Variants in CAMK2D observed in about 807,000 individuals in gnomAD.
The protein encoded by CAMK2D is calcium/calmodulin-dependent protein kinase type II subunit delta.
Under a neutral mutation model 84.0 loss-of-function variants are expected in CAMK2D, and 37 were observed. That is an observed-to-expected ratio of 0.44 (90% CI 0.34 to 0.58). The LOEUF (loss-of-function observed/expected upper bound fraction) is 0.58. CAMK2D is among the 20% of genes least tolerant of loss of function. CAMK2D has a pLI of 0.02. For missense variants in CAMK2D, 448 were observed against 652.5 expected (o/e 0.69, Z 3.41); for synonymous variants, 202 against 212.5 (o/e 0.95, Z 0.43).
chr4:113,666,719 C>T (rs571339039), intron 2 of CAMK2D, among the ~76,000 whole-genome samples: 26 of 152,266 alleles, frequency 1.7e-4, no homozygotes, highest in Non-Finnish European at 2.9e-4. Flanking sequence ...AAGAGAATCC[C>T]ACTCCCAAAA....
intron 13 of CAMK2D, among the ~76,000 whole-genome samples, chr4:113,508,508 T>C (rs1323172460): frequency 2.0e-5 from 3 of 152,212 alleles, no homozygotes; most frequent in Non-Finnish European, 4.4e-5. Context: ...AAGAAAATGT[T>C]TGGAAAATGT....
chr4:113,496,877 G>C (rs1300295486), intron 16 of CAMK2D, among the ~76,000 whole-genome samples: 1 of 152,112 alleles, frequency 6.6e-6, no homozygotes, highest in African/African-American at 2.4e-5. Flanking sequence ...CTGCTCAAGA[G>C]GTCAACACTA....
At chr4:113,491,891 T>G (rs1399583130) in intron 16 of CAMK2D, among the ~76,000 whole-genome samples, 1 of 152,142 alleles carries the variant, frequency 6.6e-6, no homozygotes, top group Non-Finnish European at 1.5e-5. Context: ...TGTCCAGGAA[T>G]TTATCCATTT....
chr4:113,558,224 T>C (rs533115324), intron 4 of CAMK2D, among the ~76,000 whole-genome samples: 1 of 152,368 alleles, frequency 6.6e-6, no homozygotes, highest in South Asian at 2.1e-4. Flanking sequence ...ACCATTTAAC[T>C]TTCTGCTTCA....
At chr4:113,630,563 A>T (rs2099085538) in intron 3 of CAMK2D, among the ~76,000 whole-genome samples, 1 of 152,212 alleles carries the variant, frequency 6.6e-6, no homozygotes, top group Admixed American at 6.6e-5. Flanking sequence ...GCCTGATGGA[A>T]AAACAGCTGC....
At chr4:113,540,425 G>A (rs2098522582) in intron 6 of CAMK2D, among the ~76,000 whole-genome samples, 1 of 152,120 alleles carries the variant, frequency 6.6e-6, no homozygotes, top group Non-Finnish European at 1.5e-5. Flanking sequence ...AGAAACCCAG[G>A]TCTTCTAATG....
At chr4:113,466,742 A>G (rs945283417) in intron 16 of CAMK2D, among the ~76,000 whole-genome samples, 4 of 152,164 alleles carry the variant, frequency 2.6e-5, no homozygotes, top group African/African-American at 9.7e-5. Context: ...CTATTCAGTG[A>G]ATTTGTTTCT....
chr4:113,618,808 C>T (rs72617770), intron 3 of CAMK2D, among the ~76,000 whole-genome samples: 9,428 of 152,110 alleles, frequency 0.062, 346 homozygotes, highest in South Asian at 0.15. Flanking sequence ...GAATTAGATG[C>T]CATGGGAATA....
chr4:113,671,122 C>T (rs972988923), intron 2 of CAMK2D, among the ~76,000 whole-genome samples: 111 of 152,058 alleles, frequency 7.3e-4, no homozygotes, highest in African/African-American at 2.5e-3. Context: ...ATTAAGTACA[C>T]GAATTTATAC....
intron 4 of CAMK2D, among the ~76,000 whole-genome samples, chr4:113,585,084 G>A (rs2098827769): frequency 6.6e-6 from 1 of 152,064 alleles, no homozygotes; most frequent in Admixed American, 6.6e-5. Context: ...TTTAGTAGCT[G>A]GTAGAGAAAC....
chr4:113,646,726 G>A (rs1279256126), intron 3 of CAMK2D, among the ~76,000 whole-genome samples: 1 of 150,920 alleles, frequency 6.6e-6, no homozygotes, highest in Non-Finnish European at 1.5e-5. Flanking sequence ...GGGAGAGAGG[G>A]TGTTCATTGT....
chr4:113,505,337 T>G (rs112461220), intron 13 of CAMK2D, among the ~76,000 whole-genome samples: 2,392 of 152,322 alleles, frequency 0.016, 73 homozygotes, highest in African/African-American at 0.053. Flanking sequence ...AGTATGAAAT[T>G]AATATAACCA....
Position 113,604,176 on chromosome 4 carries a change from AAGT to A in CAMK2D, c.275+4973_275+4975del, listed in dbSNP as rs201940562. Among the ~76,000 whole-genome samples, 240 of 152,270 alleles carry A rather than the reference AAGT, an allele frequency of 1.6e-3. 3 individuals carry two copies. Among genetic ancestry groups the A allele is most frequent in the East Asian group, 8.3e-3 (43 of 5,186 alleles). ...AGGAACATTCCTTCTTTGGGAATTCAAGTAGTTATTTTATCTCGGAACTCATTG... is the reference window on the plus strand; with the variant it reads ...AGGAACATTCCTTCTTTGGGAATTCAAGTTATTTTATCTCGGAACTCATTG... On this transcript the variant is annotated intron_variant, in intron 4 of 20. Transcript: ENST00000511664.
chr4:113,602,661 T>G (rs1394151053), intron 4 of CAMK2D, among the ~76,000 whole-genome samples: 2 of 152,222 alleles, frequency 1.3e-5, no homozygotes, highest in Non-Finnish European at 2.9e-5. Context: ...CTTCCTTTGT[T>G]TTGTCTCTTC....
intron 3 of CAMK2D, among the ~76,000 whole-genome samples, chr4:113,642,552 A>G (rs1187363015): frequency 6.6e-6 from 1 of 152,156 alleles, no homozygotes; most frequent in Non-Finnish European, 1.5e-5. Flanking sequence ...ATTAAACCCA[A>G]ACTGATACCA....
intron 3 of CAMK2D, among the ~76,000 whole-genome samples, chr4:113,611,210 A>C (rs1416918036): frequency 6.6e-6 from 1 of 152,136 alleles, no homozygotes; most frequent in Non-Finnish European, 1.5e-5. Context: ...GCTGCTGAAG[A>C]ATATAAAGAG....
chr4:113,660,734 A>G (rs1252178033), intron 3 of CAMK2D, among the ~76,000 whole-genome samples: 1 of 151,704 alleles, frequency 6.6e-6, no homozygotes, highest in East Asian at 1.9e-4. Context: ...AATTTAGCTG[A>G]GTAAAGTGAT....
chr4:113,569,424 G>A (rs2098741754), intron 4 of CAMK2D, among the ~76,000 whole-genome samples: 1 of 151,994 alleles, frequency 6.6e-6, no homozygotes, highest in Non-Finnish European at 1.5e-5. Flanking sequence ...GTAAGGTAAG[G>A]GTCCAACTTT....
intron 4 of CAMK2D, among the ~76,000 whole-genome samples, chr4:113,559,852 A>G (rs1453307162): frequency 6.6e-6 from 1 of 152,240 alleles, no homozygotes; most frequent in African/African-American, 2.4e-5. Context: ...CCCAAAGTTC[A>G]GATTCTAACA....
Sources: allele counts gnomAD v4.1 joint callset (sites outside exome capture counted in the v4.1 genomes callset), GRCh38; gene constraint gnomAD v4.1.1; transcripts MANE v1.5; gene names NCBI Gene and HGNC (gene_info 2026-07-23, HGNC 2026-07-21).